The following DSC2 variants were observed in gnomAD, a reference collection of about 807,000 sequenced individuals.
DSC2 encodes the protein desmocollin-2.
Under a neutral mutation model 87.6 loss-of-function variants are expected in DSC2, and 51 were observed. The observed-to-expected ratio is 0.58, with a 90% CI of 0.46 to 0.74. The LOEUF (loss-of-function observed/expected upper bound fraction) is 0.74. DSC2 is among the 30% of genes least tolerant of loss of function. The pLI, the probability that DSC2 is intolerant of heterozygous loss-of-function variation, is 0.00. For synonymous variants in DSC2, 383 were observed against 393.2 expected (o/e 0.97, Z 0.31); for missense variants, 1,066 against 1,089.5 (o/e 0.98, Z 0.30).
chr18:31,076,936 G>T (rs891196678), intron 11 of DSC2, among the ~76,000 whole-genome samples: 1 of 152,210 alleles, frequency 6.6e-6, no homozygotes, highest in Non-Finnish European at 1.5e-5. Context: ...TAGCTGCACA[G>T]TGCCATGGGA....
intron 15 of DSC2, among the ~76,000 whole-genome samples, 183 bp downstream of exon 15, chr18:31,068,711 G>A (rs1416768224): frequency 2.0e-5 from 3 of 151,856 alleles, no homozygotes; most frequent in Non-Finnish European, 4.4e-5. Context: ...AAAATAGGAG[G>A]GGAAGTAAAT....
intron 9 of DSC2, among the ~76,000 whole-genome samples, chr18:31,080,788 G>A (rs1987193240): frequency 6.6e-6 from 1 of 152,192 alleles, no homozygotes; most frequent in Admixed American, 6.5e-5. Context: ...CTGTGGAACT[G>A]CGAGTCAGTT....
intron 12 of DSC2, among the ~76,000 whole-genome samples, chr18:31,074,212 C>A (rs78394310): frequency 0.02 from 2,983 of 152,288 alleles, 100 homozygotes; most frequent in African/African-American, 0.069. Context: ...CCTTTCAAAG[C>A]TACTGATCCC....
rs78223892 is a variant in DSC2 at position 31,090,090 on chromosome 18, T to C, written c.475-496A>G. 2.9e-4 allele frequency among the ~76,000 whole-genome samples: 44 copies of C among 151,924 alleles called. No individual in the cohort carries two copies. The East Asian group carries it at 7.0e-3, about 24-fold the overall frequency. On this transcript the variant is annotated intron_variant, in intron 4 of 15. Transcript: ENST00000280904. Reference sequence around the variant, plus strand: ...TATAGGAACTGAGTAAAAAAAAAAATATGAGTGAGAATAGAAATGGAATAA... The same window carrying C: ...TATAGGAACTGAGTAAAAAAAAAAACATGAGTGAGAATAGAAATGGAATAA...
intron 9 of DSC2, among the ~76,000 whole-genome samples, chr18:31,081,577 A>G (rs1365245623): frequency 2.0e-5 from 3 of 152,166 alleles, no homozygotes; most frequent in South Asian, 4.1e-4. Flanking sequence ...TTTTTAATCC[A>G]TGGTCCTTGT....
chr18:31,089,609 T>C lies in DSC2; in HGVS notation c.475-15A>G. On this transcript the variant is annotated splice_polypyrimidine_tract_variant and intron_variant, in intron 4 of 15. Coordinates refer to ENST00000280904, the MANE Select transcript of DSC2 (RefSeq NM_024422.6). ...TCAGATTGAACCTAGAAAGTAGATA[T>C]TATATACATGAGACAAATCTTTATT... 1 of 1,610,748 alleles carries C rather than the reference T, an allele frequency of 6.2e-7. No homozygotes were observed. The highest frequency in any genetic ancestry group is 8.5e-7 in the Non-Finnish European group (1 of 1,177,550).
At chr18:31,071,481 G>T in intron 13 of DSC2, 124 bp downstream of exon 13, 1 of 842,412 alleles carries the variant, frequency 1.2e-6, no homozygotes, top group Non-Finnish European at 2.0e-6. Flanking sequence ...CAGAGGCAGA[G>T]TCTGCAGTGA....
intron 4 of DSC2, among the ~76,000 whole-genome samples, chr18:31,090,764 T>C (rs1015639001): frequency 2.0e-5 from 3 of 152,220 alleles, no homozygotes; most frequent in Non-Finnish European, 4.4e-5. Flanking sequence ...TTCTTAGGCT[T>C]GGCGATACCC....
chr18:31,086,398 TAGC>T (rs1031407760), intron 7 of DSC2, among the ~76,000 whole-genome samples, 175 bp downstream of exon 7: 1 of 152,224 alleles, frequency 6.6e-6, no homozygotes, highest in African/African-American at 2.4e-5. Context: ...AAGAATGAAT[TAGC>T]AGTTCAAAAC....
At chr18:31,080,772 C>T (rs1276290077) in intron 9 of DSC2, among the ~76,000 whole-genome samples, 1 of 152,194 alleles carries the variant, frequency 6.6e-6, no homozygotes, top group South Asian at 2.1e-4. Flanking sequence ...ATGCCTCCTA[C>T]ACAGCCTGTG....
In DSC2 at chr18:31,074,839, G is replaced by T. The variant is rs1196807352; in HGVS notation, c.1732C>A (p.Pro578Thr). Reference sequence around the variant, plus strand: ...TTGCAGATGATCACTGTCTTTTTAGGTATGAATGGGCTGTTATCATTCACG... The same window carrying T: ...TTGCAGATGATCACTGTCTTTTTAGTTATGAATGGGCTGTTATCATTCACG... ...QDVNDNSPFI[P>T]KKTVIICKPT... The change falls in exon 12 of 16, where the codon CCT becomes ACT. Residue 578 changes from proline to threonine, a missense_variant. Transcript: ENST00000280904. 1 of 1,613,890 alleles carries T rather than the reference G, an allele frequency of 6.2e-7. No homozygotes were observed. Among genetic ancestry groups the T allele is most frequent in the East Asian group, 2.2e-5 (1 of 44,810 alleles).
At chr18:31,093,497 T>C (rs571776458) in intron 2 of DSC2, 62 bp downstream of exon 2, 41 of 1,309,202 alleles carry the variant, frequency 3.1e-5, no homozygotes, top group African/African-American at 1.3e-4. Context: ...CTGTGTAGTA[T>C]TCCATGGCGT....
Position 31,092,191 on chromosome 18 carries a change from G to C in DSC2, c.264C>G (p.Ser88=), listed in dbSNP as rs1435506924. 1 of 1,613,556 alleles carries C rather than the reference G, an allele frequency of 6.2e-7. No homozygotes were observed. The highest frequency in any genetic ancestry group is 1.1e-5 in the South Asian group (1 of 91,034). Residue 88 remains serine (S), a synonymous_variant, in exon 3 of 16, where the codon TCC becomes TCG. Transcript: ENST00000280904. ...SVYTTNTILL[S]SEKRSFTILL... ...ATATGGTAAAACTTCTCTTCTCCGA[G>C]GACAATAGAATAGTATTTGTTGTAT...
chr18:31,094,932 A>T (rs1341062485), intron 1 of DSC2, among the ~76,000 whole-genome samples: 1 of 152,238 alleles, frequency 6.6e-6, no homozygotes, highest in Non-Finnish European at 1.5e-5. Context: ...TTATTCATTC[A>T]ACCAACATTT....
At chr18:31,096,624 C>G (rs1987768498) in intron 1 of DSC2, among the ~76,000 whole-genome samples, 1 of 152,162 alleles carries the variant, frequency 6.6e-6, no homozygotes, top group South Asian at 2.1e-4. Context: ...ATCATAGATG[C>G]TGACAGGCAC....
At position 31,064,320 on chromosome 18, in the gene DSC2, T is replaced by C. The variant is rs1986562860; in HGVS notation, c.*3695A>G. On this transcript the variant is annotated 3_prime_UTR_variant, in exon 16 of 16. Coordinates refer to ENST00000280904, the MANE Select transcript of DSC2 (RefSeq NM_024422.6). The stretch of plus-strand genomic sequence containing the variant: ...GTGTGTGGGTGGGGAGAGTGGCTGA[T>C]TCATCTTGCACTTTCTCATAGAAGC... 6.6e-6 allele frequency: 1 copy of C among 152,340 alleles called. No individual in the cohort carries two copies. The highest frequency in any genetic ancestry group is 1.9e-4 in the East Asian group (1 of 5,190). The allele number at this position is 152,340 out of a possible 1,614,324, so 9.4% of individuals were successfully genotyped here.
intron 11 of DSC2, among the ~76,000 whole-genome samples, chr18:31,076,744 T>G (rs1291063917): frequency 6.6e-6 from 1 of 152,230 alleles, no homozygotes; most frequent in Admixed American, 6.5e-5. Context: ...TTGAAAGTAT[T>G]TTCTGACTGC....
chr18:31,095,359 G>C (rs1218352780), intron 1 of DSC2, among the ~76,000 whole-genome samples: 4 of 152,194 alleles, frequency 2.6e-5, no homozygotes, highest in Non-Finnish European at 5.9e-5. Context: ...TCATGGTAAG[G>C]AGTGCAGATT....
Position 31,062,899 on chromosome 18 carries a change from T to G in DSC2, c.*5116A>C, listed in dbSNP as rs1986528020. 6.6e-6 allele frequency: 1 copy of G among 152,180 alleles called. No individual in the cohort carries two copies. 9.4% of individuals were successfully genotyped at this position (152,180 alleles called of 1,614,324 possible). ...TTCAATGTCTTCTGAGGAAAAACAA[T>G]TCAGTGCAGAATCTAACATACACCA... is the stretch of plus-strand genomic sequence containing the variant. On this transcript the variant is annotated 3_prime_UTR_variant, in exon 16 of 16. Coordinates refer to ENST00000280904, the MANE Select transcript of DSC2 (RefSeq NM_024422.6).
Sources: allele counts gnomAD v4.1 joint callset (sites outside exome capture counted in the v4.1 genomes callset), GRCh38; gene constraint gnomAD v4.1.1; transcripts MANE v1.5; gene names NCBI Gene and HGNC (gene_info 2026-07-23, HGNC 2026-07-21).